TFR2: variants seen among roughly 807,000 people sequenced by gnomAD.
TFR2 encodes transferrin receptor protein 2.
TFR2 carries 64 observed loss-of-function variants against 91.9 expected under a neutral mutation model. The ratio of observed to expected loss-of-function variants is 0.70; its 90% CI spans 0.57 to 0.86. The LOEUF (loss-of-function observed/expected upper bound fraction) is 0.86. Ranked by LOEUF, TFR2 falls within the 40% of genes least tolerant of loss-of-function variation. The pLI is 0.00. For synonymous variants in TFR2, 454 were observed against 459.6 expected (o/e 0.99, Z 0.15); for missense variants, 950 against 1,080.5 (o/e 0.88, Z 1.69).
rs1034968542 is a variant in TFR2, at chr7:100,633,501, G to A, written c.529C>T (p.Gln177Ter). Residue 177 changes from glutamine to a stop codon, truncating the protein, a stop_gained, in exon 4 of 18, where the codon CAG (glutamine) becomes TAG (stop). Transcript: ENST00000223051. LOFTEE classifies it high-confidence loss of function. Reference sequence around the variant, plus strand: ...CGGGAGAGCGCCGCGCGAATGTCCTGAGTCAGAGCGGCCATCCCGGCCGAG... The same window carrying A: ...CGGGAGAGCGCCGCGCGAATGTCCTAAGTCAGAGCGGCCATCCCGGCCGAG... ...AGSAGMAALT[Q>*]DIRAALSRQK... 6.2e-7 allele frequency: 1 copy of A among 1,611,134 alleles called. No individual in the cohort carries two copies. Among genetic ancestry groups the A allele is most frequent in the Non-Finnish European group, 8.5e-7 (1 of 1,179,868 alleles).
rs1351526519 is a variant in TFR2 at position 100,630,913 on chromosome 7, A to G, written c.1246T>C (p.Cys416Arg). ...CCTGGCTCTGAGCGGCCTTCGATGC[A>G]GCCGAAGATGTTGTTGATGGGGGTG... ...TSTPINNIFGCIEGRSEPDHY... is the reference protein window; with the variant it reads ...TSTPINNIFGRIEGRSEPDHY... Residue 416 changes from cysteine (C) to arginine (R), a missense_variant, in exon 9 of 18, where the codon TGC becomes CGC. Coordinates refer to ENST00000223051, the MANE Select transcript of TFR2 (RefSeq NM_003227.4). 4 of 1,612,974 alleles carry G rather than the reference A, an allele frequency of 2.5e-6. No individual in the cohort carries two copies. Among genetic ancestry groups the G allele is most frequent in the Non-Finnish European group, 3.4e-6 (4 of 1,179,856 alleles).
intron 16 of TFR2, 131 bp from the exon 17 acceptor site, chr7:100,627,034 G>C (rs1405505189): frequency 1.4e-6 from 2 of 1,402,014 alleles, no homozygotes; most frequent in Non-Finnish European, 1.9e-6. Flanking sequence ...GGAGGTAGAC[G>C]AGGACAGAGT....
chr7:100,628,182 C>G, intron 11 of TFR2, 42 bp downstream of exon 11: 1 of 1,612,898 alleles, frequency 6.2e-7, no homozygotes, highest in Middle Eastern at 1.6e-4. Context: ...CCACCCCCAC[C>G]TCTCCCCAAT....
At chr7:100,633,661 G>A (rs556221066) in intron 3 of TFR2, 105 bp from the exon 4 acceptor site, 8 of 1,426,600 alleles carry the variant, frequency 5.6e-6, no homozygotes, top group Middle Eastern at 2.6e-4. Context: ...GCGGCGAGGG[G>A]TTCCTGAGTT....
At chr7:100,627,537 G>A (rs747923918) in intron 15 of TFR2, 40 bp downstream of exon 15, 2 of 1,613,936 alleles carry the variant, frequency 1.2e-6, no homozygotes, top group South Asian at 1.1e-5. Flanking sequence ...ACAGGCTGAA[G>A]GACTAGCGCT....
chr7:100,634,338 C>T (rs1313865714), intron 3 of TFR2, among the ~76,000 whole-genome samples: 2 of 152,150 alleles, frequency 1.3e-5, no homozygotes. Flanking sequence ...TCAGGGGAAT[C>T]ACCGGTTCCT....
At chr7:100,623,548 TAGG>T (rs1293707758) in intron 17 of TFR2, among the ~76,000 whole-genome samples, 1 of 152,004 alleles carries the variant, frequency 6.6e-6, no homozygotes, top group Non-Finnish European at 1.5e-5. Flanking sequence ...GAGGCCAAGG[TAGG>T]AGGATTACTT....
At chr7:100,637,519 G>A (rs187032614) in intron 3 of TFR2, among the ~76,000 whole-genome samples, 24 of 152,278 alleles carry the variant, frequency 1.6e-4, no homozygotes, top group Middle Eastern at 3.4e-3. Flanking sequence ...ACCTGAAGCC[G>A]GGAGGCGGAG....
Position 100,627,656 on chromosome 7 carries a change from C to T in TFR2, c.1688G>A (p.Arg563Gln), listed in dbSNP as rs764643944. ...GGCACTGCTGTCCATGGGTAGGGGC[C>T]GGATCCTGGGGGCAGGTGGGTTGGA... ...TNPSWDAEVI[R>Q]PLPMDSSAYS... The change falls in exon 15 of 18, where the codon CGG (arginine) becomes CAG (glutamine). Residue 563 changes from arginine (R) to glutamine (Q), a missense_variant. By Grantham distance (43) the Arg-to-Gln change is conservative (BLOSUM62 1). Coordinates refer to ENST00000223051, the MANE Select transcript of TFR2 (RefSeq NM_003227.4). 1.9e-6 allele frequency: 3 copies of T among 1,614,138 alleles called. No homozygotes were observed. The highest frequency in any genetic ancestry group is 1.3e-5 in the African/African-American group (1 of 75,024).
At position 100,620,752 on chromosome 7, in the gene TFR2, G is replaced by A; in HGVS notation, c.*105C>T. ...TGTAGGGGTAATGAGAAATTGATCA[G>A]CAATGAGAGGTGGACTCTGAGCCAC... On this transcript the variant is annotated 3_prime_UTR_variant, in exon 18 of 18. Transcript: ENST00000223051. 6.7e-7 allele frequency: 1 copy of A among 1,501,890 alleles called. No homozygotes were observed. 93.0% of individuals were successfully genotyped at this position (1,501,890 alleles called of 1,614,324 possible).
Position 100,628,079 on chromosome 7 carries a change from C to T in TFR2, c.1531G>A (p.Val511Met). 6.2e-7 allele frequency: 1 copy of T among 1,614,160 alleles called. No individual in the cohort carries two copies. The highest frequency in any genetic ancestry group is 1.3e-5 in the African/African-American group (1 of 75,048). Residue 511 changes from valine (V) to methionine (M), a missense_variant, in exon 12 of 18, where the codon GTG (valine) becomes ATG (methionine). Coordinates refer to ENST00000223051, the MANE Select transcript of TFR2 (RefSeq NM_003227.4). ...TGGCACTGCCCCAGCTCACCCAGCA[C>T]TGCGTTGTCCAGGCTCACGTACACT... ...AVVYVSLDNA[V>M]LGDDKFHAKT...
chr7:100,621,774 T>C (rs1409975717), intron 17 of TFR2, among the ~76,000 whole-genome samples: 1 of 152,182 alleles, frequency 6.6e-6, no homozygotes, highest in Non-Finnish European at 1.5e-5. Flanking sequence ...ATGAAAAGCC[T>C]GGCTTTCCTC....
intron 10 of TFR2, among the ~76,000 whole-genome samples, chr7:100,628,608 C>T (rs1389014512): frequency 6.6e-6 from 1 of 152,050 alleles, no homozygotes; most frequent in Non-Finnish European, 1.5e-5. Flanking sequence ...CCCTATGTTG[C>T]CCAGGCTGGT....
At chr7:100,626,932 G>T in intron 16 of TFR2, 29 bp from the exon 17 acceptor site, 1 of 1,528,662 alleles carries the variant, frequency 6.5e-7, no homozygotes. Context: ...GGCTGGGGCT[G>T]GCGGCAGGGG....
In TFR2 at chr7:100,639,854, G is replaced by C. The variant is rs991087005; in HGVS notation, c.473+832C>G. On this transcript the variant is annotated intron_variant, in intron 3 of 17. Transcript: ENST00000223051. Reference sequence around the variant, plus strand: ...GGCTGAAGTGCAGTGGCGTGATCTCGGCTCAATGCATGCTCCACCTCCTGG... The same window carrying C: ...GGCTGAAGTGCAGTGGCGTGATCTCCGCTCAATGCATGCTCCACCTCCTGG... The C allele has an allele frequency of 1.4e-5, 2 of 145,452 alleles. 1 individual carries two copies. Among genetic ancestry groups the C allele is most frequent in the Admixed American group, 1.4e-4 (2 of 13,964 alleles). 9.0% of individuals were successfully genotyped at this position (145,452 alleles called of 1,614,324 possible). A position where few individuals can be genotyped will look rare whatever the true frequency, so the allele number is the denominator to read the frequency against.
At chr7:100,638,637 G>A (rs1192432731) in intron 3 of TFR2, among the ~76,000 whole-genome samples, 1 of 151,868 alleles carries the variant, frequency 6.6e-6, no homozygotes. Flanking sequence ...TGTGATCCCA[G>A]CTACTCGGGA....
chr7:100,626,317 A>C (rs1031053045), intron 17 of TFR2, among the ~76,000 whole-genome samples: 5 of 152,262 alleles, frequency 3.3e-5, no homozygotes, highest in African/African-American at 1.2e-4. Context: ...GATTTCACCC[A>C]TTTCATTATC....
At chr7:100,637,935 G>A (rs563296289) in intron 3 of TFR2, among the ~76,000 whole-genome samples, 22 of 151,688 alleles carry the variant, frequency 1.5e-4, no homozygotes, top group Admixed American at 3.3e-4. Context: ...GGGTTTAAGC[G>A]ATTCTCCTGC....
intron 6 of TFR2, 94 bp downstream of exon 6, chr7:100,632,907 T>C (rs1208845781): frequency 1.2e-6 from 2 of 1,603,628 alleles, no homozygotes; most frequent in Admixed American, 1.7e-5. Context: ...GGTTCTTTCC[T>C]GTCTCCCTCT....
Sources: gnomAD v4.1 joint callset for allele counts (sites outside exome capture counted in the v4.1 genomes callset) on GRCh38, gnomAD v4.1.1 for gene constraint, MANE v1.5 for transcripts, NCBI Gene and HGNC (gene_info 2026-07-23, HGNC 2026-07-21) for gene names.